PBX1: variants seen among roughly 807,000 people sequenced by gnomAD.
PBX1 encodes PBX homeobox 1, also known as pre-B-cell leukemia transcription factor 1.
PBX1 carries 6 observed loss-of-function variants against 53.4 expected under a neutral mutation model. The observed-to-expected ratio is 0.11, with a 90% CI of 0.06 to 0.22. The LOEUF is 0.22. Among genes scored for constraint, PBX1 ranks in the 10% least tolerant of loss-of-function variants. The pLI is 1.00. For synonymous variants in PBX1, 204 were observed against 212.3 expected (o/e 0.96, Z 0.34); for missense variants, 251 against 551.4 (o/e 0.46, Z 5.46).
rs568589720 is a variant in PBX1 at position 164,560,967 on chromosome 1, C to T, written c.191+954C>T. Among the ~76,000 whole-genome samples the T allele has an allele frequency of 4.6e-5, 7 of 152,278 alleles. 1 individual carries two copies. The South Asian group carries it at 1.5e-3, about 32-fold the overall frequency. The stretch of plus-strand genomic sequence containing the variant: ...AACTGTGTAGCCTCTCAAGTTAATC[C>T]ACTGCCAGGTATATGGTTCTCTACT... On this transcript the variant is annotated intron_variant, in intron 1 of 8. Transcript: ENST00000420696.
intron 2 of PBX1, among the ~76,000 whole-genome samples, chr1:164,666,749 T>A (rs985437644): frequency 5.3e-5 from 8 of 152,200 alleles, no homozygotes; most frequent in African/African-American, 1.9e-4. Context: ...TGGAAAGGGT[T>A]TTAGAGACTA....
At chr1:164,759,803 C>T (rs1452621324) in intron 2 of PBX1, among the ~76,000 whole-genome samples, 1 of 152,186 alleles carries the variant, frequency 6.6e-6, no homozygotes, top group Non-Finnish European at 1.5e-5. Flanking sequence ...GGGGCACTCT[C>T]AGGGAAGACC....
In PBX1 at chr1:164,593,004, C is replaced by A. The variant is rs558696988; in HGVS notation, c.265+29693C>A. The stretch of plus-strand genomic sequence containing the variant: ...ACAGAGTCTTGCTCTGTAGCCCAGG[C>A]TGGAGTGCAGTGCCGTGATCTTGGC... On this transcript the variant is annotated intron_variant, in intron 2 of 8. Coordinates refer to ENST00000420696, the MANE Select transcript of PBX1 (RefSeq NM_002585.4). Among the ~76,000 whole-genome samples, 4 of 151,592 alleles carry A rather than the reference C, an allele frequency of 2.6e-5. No individual in the cohort carries two copies. The South Asian group carries it at 8.4e-4, about 32-fold the overall frequency.
intron 2 of PBX1, among the ~76,000 whole-genome samples, chr1:164,698,152 GT>G: frequency 6.6e-6 from 1 of 152,020 alleles, no homozygotes; most frequent in South Asian, 2.1e-4. Flanking sequence ...ACCTCAGTAT[GT>G]TTTTTTTCCA....
chr1:164,654,127 G>T (rs1345853549), intron 2 of PBX1, among the ~76,000 whole-genome samples: 2 of 152,156 alleles, frequency 1.3e-5, no homozygotes, highest in Non-Finnish European at 2.9e-5. Flanking sequence ...GTGCATTGGG[G>T]GTAGGGTGTC....
intron 2 of PBX1, among the ~76,000 whole-genome samples, chr1:164,620,131 C>T (rs1657571751): frequency 6.6e-6 from 1 of 152,112 alleles, no homozygotes; most frequent in African/African-American, 2.4e-5. Context: ...GAGGTCAAGG[C>T]TGCAGTGAGC....
intron 2 of PBX1, among the ~76,000 whole-genome samples, chr1:164,673,546 C>A (rs1175458925): frequency 6.8e-6 from 1 of 146,346 alleles, no homozygotes. Context: ...TCTCTGCTCA[C>A]TGCAACCTCC....
intron 2 of PBX1, among the ~76,000 whole-genome samples, chr1:164,642,369 A>G (rs573456743): frequency 6.6e-6 from 1 of 152,188 alleles, no homozygotes; most frequent in South Asian, 2.1e-4. Context: ...ATATTTGACC[A>G]CTCTCACCAA....
At chr1:164,661,894 A>G (rs1660512157) in intron 2 of PBX1, among the ~76,000 whole-genome samples, 1 of 152,182 alleles carries the variant, frequency 6.6e-6, no homozygotes, top group Non-Finnish European at 1.5e-5. Context: ...TAGAGTAAAA[A>G]CAGGAAAAAA....
At chr1:164,705,613 T>A (rs1003849330) in intron 2 of PBX1, among the ~76,000 whole-genome samples, 2 of 152,218 alleles carry the variant, frequency 1.3e-5, no homozygotes, top group African/African-American at 4.8e-5. Flanking sequence ...CACTGATATG[T>A]GTTTGCCTTT....
chr1:164,732,609 C>T (rs537004261), intron 2 of PBX1, among the ~76,000 whole-genome samples: 2 of 152,024 alleles, frequency 1.3e-5, no homozygotes, highest in Admixed American at 6.6e-5. Flanking sequence ...TGGCAAAGAC[C>T]GTAATTACTT....
chr1:164,717,732 A>C (rs756399894), intron 2 of PBX1, among the ~76,000 whole-genome samples: 6 of 152,194 alleles, frequency 3.9e-5, no homozygotes, highest in Non-Finnish European at 8.8e-5. Context: ...GCCTTGGCTG[A>C]AGGCGTCAGA....
At chr1:164,579,888 C>CT (rs1164096197) in intron 2 of PBX1, among the ~76,000 whole-genome samples, 2 of 152,136 alleles carry the variant, frequency 1.3e-5, no homozygotes, top group African/African-American at 4.8e-5. Context: ...TATTATTACT[C>CT]TGATTTTTAA....
At chr1:164,825,249 G>GC (rs1176399036) in intron 8 of PBX1, among the ~76,000 whole-genome samples, 6 of 152,174 alleles carry the variant, frequency 3.9e-5, no homozygotes, top group African/African-American at 1.4e-4. Context: ...TGAGTCTCAA[G>GC]CCCAGCTCCT....
intron 2 of PBX1, among the ~76,000 whole-genome samples, chr1:164,721,512 C>G (rs1258438713): frequency 6.6e-6 from 1 of 151,954 alleles, no homozygotes; most frequent in Non-Finnish European, 1.5e-5. Flanking sequence ...AAAGCGAAAA[C>G]AATTGAATTC....
rs113546791 is a variant in PBX1, at chr1:164,777,171, C to T, written c.266-15323C>T. 2.8e-3 allele frequency among the ~76,000 whole-genome samples: 426 copies of T among 152,236 alleles called. 6 individuals carry two copies. Among genetic ancestry groups the T allele is most frequent in the African/African-American group, 9.6e-3 (397 of 41,532 alleles). On this transcript the variant is annotated intron_variant, in intron 2 of 8. Coordinates refer to ENST00000420696, the MANE Select transcript of PBX1 (RefSeq NM_002585.4). Reference sequence around the variant, plus strand: ...TCAGGAGGGACTGGGCATGGTGGCTCATGCCTGTAATCCCAGCACTTTGGG... The same window carrying T: ...TCAGGAGGGACTGGGCATGGTGGCTTATGCCTGTAATCCCAGCACTTTGGG...
Position 164,751,581 on chromosome 1 carries a change from C to CCT in PBX1, c.266-40913_266-40912insCT, listed in dbSNP as rs1491430582. ...CAAATGTAATGGGTTTATTGCCCCC[C>CCT]TTTTTTTTTTTTTTTTTTGAGACAA... On this transcript the variant is annotated intron_variant, in intron 2 of 8. Transcript: ENST00000420696. 4.3e-4 allele frequency among the ~76,000 whole-genome samples: 60 copies of CCT among 138,012 alleles called. 1 individual carries two copies. Among genetic ancestry groups the CCT allele is most frequent in the African/African-American group, 1.4e-3 (52 of 37,006 alleles). The allele number at this position is 138,012 out of a possible 152,430, so 90.5% of individuals were successfully genotyped here. A position where few individuals can be genotyped will look rare whatever the true frequency, so the allele number is the denominator to read the frequency against.
chr1:164,865,018 C>T (rs567310452), intron 2 of PBX1, among the ~76,000 whole-genome samples: 19 of 152,356 alleles, frequency 1.2e-4, no homozygotes, highest in Admixed American at 2.6e-4. Flanking sequence ...GGCAGGGTCA[C>T]GACCCCACAG....
Position 164,848,571 on chromosome 1 carries a change from G to A in PBX1, c.*1895G>A, listed in dbSNP as rs141517830. On this transcript the variant is annotated 3_prime_UTR_variant, in exon 9 of 9. Transcript: ENST00000420696. ...GATGTCATCACCGTGATGACAAAGA[G>A]AAGAGTTATTGTTGATCTTCTTGGT... 1.3e-4 allele frequency: 133 copies of A among 1,059,710 alleles called. 1 individual carries two copies. In the African/African-American group the frequency reaches 2.0e-3, roughly 16 times the overall value. 65.6% of individuals were successfully genotyped at this position (1,059,710 alleles called of 1,614,324 possible). A position where few individuals can be genotyped will look rare whatever the true frequency, so the allele number is the denominator to read the frequency against.
Sources: gnomAD v4.1 joint callset for allele counts (sites outside exome capture counted in the v4.1 genomes callset) on GRCh38, gnomAD v4.1.1 for gene constraint, MANE v1.5 for transcripts, NCBI Gene and HGNC (gene_info 2026-07-23, HGNC 2026-07-21) for gene names.